The following MTBP variants were observed in gnomAD, a reference collection of about 807,000 sequenced individuals.
MTBP encodes the protein MDM2 binding protein, also known as mdm2-binding protein.
A neutral mutation model predicts 117.0 loss-of-function variants in MTBP; 101 were observed. The ratio of observed to expected loss-of-function variants is 0.86; its 90% confidence interval spans 0.73 to 1.02. MTBP has a LOEUF of 1.02. MTBP is among the 50% of genes least tolerant of loss of function. The pLI is 0.00. For missense variants in MTBP, 970 were observed against 1,030.9 expected (o/e 0.94, Z 0.81); for synonymous variants, 350 against 351.5 (o/e 1.00, Z 0.05).
intron 11 of MTBP, among the ~76,000 whole-genome samples, chr8:120,477,061 C>G (rs1352484094): frequency 6.6e-6 from 1 of 152,076 alleles, no homozygotes; most frequent in Non-Finnish European, 1.5e-5. Flanking sequence ...GTTATATAGA[C>G]CAATGGAACA....
intron 14 of MTBP, 42 bp downstream of exon 14, chr8:120,497,596 G>A: frequency 4.3e-6 from 5 of 1,150,566 alleles, no homozygotes; most frequent in East Asian, 2.5e-5. Flanking sequence ...GTGTGTGTGT[G>A]GCAACTATGA....
chr8:120,478,773 G>C (rs758714828), intron 11 of MTBP, among the ~76,000 whole-genome samples: 3 of 152,220 alleles, frequency 2.0e-5, no homozygotes, highest in Non-Finnish European at 4.4e-5. Context: ...CATCAACAGT[G>C]GATTGGATAA....
intron 5 of MTBP, 31 bp downstream of exon 5, chr8:120,453,936 GTATCT>G (rs1563783934): frequency 2.3e-6 from 3 of 1,306,032 alleles, no homozygotes; most frequent in South Asian, 1.3e-5. Context: ...TCAATAATTT[GTATCT>G]TATCTTATTA....
chr8:120,490,425 A>C, intron 12 of MTBP, 38 bp from the exon 13 acceptor site: 2 of 1,260,326 alleles, frequency 1.6e-6, no homozygotes, highest in Non-Finnish European at 2.3e-6. Flanking sequence ...GGCAAAGGGC[A>C]TCATTAATGT....
intron 15 of MTBP, among the ~76,000 whole-genome samples, chr8:120,505,905 T>C (rs924462899): frequency 1.2e-4 from 18 of 152,208 alleles, no homozygotes; most frequent in African/African-American, 3.6e-4. Flanking sequence ...GGTTCTATCA[T>C]TTTAAATAGC....
intron 17 of MTBP, among the ~76,000 whole-genome samples, chr8:120,511,141 A>G (rs771167796): frequency 6.6e-6 from 1 of 152,164 alleles, no homozygotes; most frequent in Non-Finnish European, 1.5e-5. Flanking sequence ...TAGTTCTGCT[A>G]TTTGACTAAA....
intron 20 of MTBP, among the ~76,000 whole-genome samples, chr8:120,521,141 G>C (rs866362932): frequency 6.6e-6 from 1 of 152,044 alleles, no homozygotes. Context: ...AAAGGAAGCT[G>C]AACTGAGAGA....
chr8:120,487,099 A>G lies in MTBP; in HGVS notation c.1166-1060A>G, dbSNP rs78040715. On this transcript the variant is annotated intron_variant, in intron 11 of 21. Coordinates refer to ENST00000305949, the MANE Select transcript of MTBP (RefSeq NM_022045.5). Reference sequence around the variant, plus strand: ...CAATCAACCCTTAACTCTGCCTTATATATCTCAAGCCAAAGACACTTTGTT... The same window carrying G: ...CAATCAACCCTTAACTCTGCCTTATGTATCTCAAGCCAAAGACACTTTGTT... Among the ~76,000 whole-genome samples, 1,323 of 152,278 alleles carry G rather than the reference A, an allele frequency of 8.7e-3. 18 individuals carry two copies. Among genetic ancestry groups the G allele is most frequent in the African/African-American group, 0.03 (1,237 of 41,564 alleles).
At chr8:120,461,707 T>C (rs1027593995) in intron 9 of MTBP, among the ~76,000 whole-genome samples, 1 of 152,190 alleles carries the variant, frequency 6.6e-6, no homozygotes, top group African/African-American at 2.4e-5. Flanking sequence ...ATATATTTTA[T>C]GTGCTTTTGT....
At chr8:120,505,109 G>T (rs1374990713) in intron 15 of MTBP, among the ~76,000 whole-genome samples, 1 of 151,828 alleles carries the variant, frequency 6.6e-6, no homozygotes, top group Non-Finnish European at 1.5e-5. Flanking sequence ...GTGTCTGGTT[G>T]TCCTTGATTG....
chr8:120,466,268 A>C (rs936061600), intron 10 of MTBP, among the ~76,000 whole-genome samples: 1 of 143,268 alleles, frequency 7.0e-6, no homozygotes, highest in East Asian at 2.1e-4. Context: ...CTGGAGTGCA[A>C]TGGTGTGATC....
chr8:120,498,723 TTGATGTAGGTCTTGAA>T (rs1189796536), intron 14 of MTBP, among the ~76,000 whole-genome samples: 1 of 152,018 alleles, frequency 6.6e-6, no homozygotes, highest in East Asian at 1.9e-4. Flanking sequence ...GCCAAGGAAG[TTGATGTAGGTCTTGAA>T]TGATGCATAA....
Position 120,488,175 on chromosome 8 carries a change from G to T in MTBP, c.1182G>T (p.Val394=). 6.3e-7 allele frequency: 1 copy of T among 1,582,760 alleles called. No individual in the cohort carries two copies. The highest frequency in any genetic ancestry group is 1.2e-5 in the South Asian group (1 of 83,620). ...PKTISVPDVE[V]KGECSSYYLL... ...TTTGTTTAGTTCCAGATGTTGAAGT[G>T]AAAGGAGAGTGTTCTAGCTATTATC... Residue 394 remains valine, a synonymous_variant, in exon 12 of 22, where the codon GTG becomes GTT. Coordinates refer to ENST00000305949, the MANE Select transcript of MTBP (RefSeq NM_022045.5).
At position 120,517,953 on chromosome 8, in the gene MTBP, G is replaced by T; in HGVS notation, c.2349G>T (p.Arg783=). ...HVTSRKPQTE[R]SLPVTCPLVP... ...CATCCAGAAAGCCACAAACAGAACG[G>T]TCCTTACCAGTGACTTGTCCATTGG... The change falls in exon 19 of 22, where the codon CGG becomes CGT. Residue 783 remains arginine (R), a synonymous_variant. Transcript: ENST00000305949. The T allele has an allele frequency of 6.2e-7, 1 of 1,612,602 alleles. No individual in the cohort carries two copies. Among genetic ancestry groups the T allele is most frequent in the Non-Finnish European group, 8.5e-7 (1 of 1,179,028 alleles).
intron 15 of MTBP, 42 bp downstream of exon 15, chr8:120,502,651 A>C (rs954644876): frequency 8.5e-7 from 1 of 1,172,068 alleles, no homozygotes; most frequent in South Asian, 1.5e-5. Flanking sequence ...TAGCTCAGTA[A>C]TTTGAATGAA....
chr8:120,471,858 C>T (rs1813823267), intron 11 of MTBP: 2 of 152,184 alleles, frequency 1.3e-5, no homozygotes, highest in Admixed American at 1.3e-4. Flanking sequence ...CACTCTGTTC[C>T]TCTAGTATGT....
At chr8:120,446,771 T>C (rs561352551) in intron 2 of MTBP, among the ~76,000 whole-genome samples, 1 of 152,284 alleles carries the variant, frequency 6.6e-6, no homozygotes, top group Non-Finnish European at 1.5e-5. Context: ...TTCTTGCCTA[T>C]CTTAGTTCTG....
chr8:120,512,481 A>T (rs2130615860), intron 17 of MTBP, among the ~76,000 whole-genome samples: 1 of 152,150 alleles, frequency 6.6e-6, no homozygotes, highest in Non-Finnish European at 1.5e-5. Flanking sequence ...AGAAATCTTG[A>T]TATATACAAA....
intron 13 of MTBP, among the ~76,000 whole-genome samples, chr8:120,491,809 A>G (rs1277438303): frequency 6.6e-6 from 1 of 152,084 alleles, no homozygotes; most frequent in East Asian, 1.9e-4. Context: ...CACAAAAACT[A>G]TCAGAAGAGC....
Sources: gnomAD v4.1 joint callset for allele counts (sites outside exome capture counted in the v4.1 genomes callset) on GRCh38, gnomAD v4.1.1 for gene constraint, MANE v1.5 for transcripts, NCBI Gene and HGNC (gene_info 2026-07-23, HGNC 2026-07-21) for gene names.